Variants in HDAC9 observed in about 807,000 individuals in gnomAD.
HDAC9 encodes the protein MEF-2 interacting transcription repressor (MITR) protein.
HDAC9 carries 41 observed loss-of-function variants against 139.4 expected under a neutral mutation model. The observed-to-expected ratio is 0.29, with a 90% CI of 0.23 to 0.38. The LOEUF (loss-of-function observed/expected upper bound fraction) is 0.38. Ranked by LOEUF, HDAC9 falls within the 10% of genes least tolerant of loss-of-function variation. The pLI, the probability that HDAC9 is intolerant of heterozygous loss-of-function variation, is 1.00. For missense variants in HDAC9, 1,147 were observed against 1,297.0 expected (o/e 0.88, Z 1.78); for synonymous variants, 517 against 476.2 (o/e 1.09, Z -1.12).
chr7:18,849,874 A>G (rs964302851), intron 21 of HDAC9, among the ~76,000 whole-genome samples: 1 of 152,168 alleles, frequency 6.6e-6, no homozygotes, highest in African/African-American at 2.4e-5. Context: ...TGGTGTGGCA[A>G]TGCCATTTTG....
chr7:18,213,543 T>C (rs1307739009), intron 2 of HDAC9, among the ~76,000 whole-genome samples: 1 of 152,158 alleles, frequency 6.6e-6, no homozygotes, highest in East Asian at 1.9e-4. Context: ...TCTGTTAGTC[T>C]TATGTAGCCA....
rs191059460 is a variant in HDAC9 at position 18,110,387 on chromosome 7, G to A, written c.-97+23174G>A. Among the ~76,000 whole-genome samples the A allele has an allele frequency of 5.1e-3, 783 of 152,266 alleles. 5 individuals carry two copies. The highest frequency in any genetic ancestry group is 0.011 in the Admixed American group (172 of 15,294). ...AAGTACAGAGGAGGGGTCTTCCATA[G>A]GGGTCAAGAAAAGTGGCAAGGATAC... On this transcript the variant is annotated intron_variant, in intron 1 of 12. Transcript: ENST00000417496.
At chr7:18,235,997 G>A (rs985558851) in intron 2 of HDAC9, among the ~76,000 whole-genome samples, 1 of 152,186 alleles carries the variant, frequency 6.6e-6, no homozygotes, top group Non-Finnish European at 1.5e-5. Flanking sequence ...GCATTATACT[G>A]TATGAATCAT....
chr7:18,597,443 A>G (rs944123220), intron 6 of HDAC9, among the ~76,000 whole-genome samples: 6 of 152,176 alleles, frequency 3.9e-5, no homozygotes, highest in African/African-American at 1.4e-4. Context: ...AAATAGTATC[A>G]TTGCTGTAGT....
intron 1 of HDAC9, among the ~76,000 whole-genome samples, chr7:18,341,120 TC>T (rs1176982066): frequency 6.6e-6 from 1 of 151,556 alleles, no homozygotes; most frequent in East Asian, 1.9e-4. Context: ...GTGTGTGTTT[TC>T]CCCCCTGACT....
At chr7:18,876,243 A>G (rs1299358003) in intron 22 of HDAC9, among the ~76,000 whole-genome samples, 1 of 152,122 alleles carries the variant, frequency 6.6e-6, no homozygotes, top group Non-Finnish European at 1.5e-5. Flanking sequence ...ACCCATTTAC[A>G]TATATCTATT....
chr7:18,493,372 A>G (rs2128136093), upstream of HDAC9, among the ~76,000 whole-genome samples: 1 of 152,104 alleles, frequency 6.6e-6, no homozygotes, highest in East Asian at 1.9e-4. Context: ...TATTTGGAAT[A>G]TCTCAGATAA....
intron 12 of HDAC9, among the ~76,000 whole-genome samples, chr7:18,691,645 A>G (rs1353750502): frequency 6.6e-6 from 1 of 152,088 alleles, no homozygotes; most frequent in African/African-American, 2.4e-5. Flanking sequence ...TTCCAAATTT[A>G]TCTTTGATTA....
chr7:18,498,507 G>A (rs987929809), intron 2 of HDAC9, among the ~76,000 whole-genome samples: 1 of 152,114 alleles, frequency 6.6e-6, no homozygotes, highest in Non-Finnish European at 1.5e-5. Context: ...TGAGCTAACT[G>A]CTAAATTAGG....
At chr7:18,148,613 C>T (rs555068948) in intron 1 of HDAC9, among the ~76,000 whole-genome samples, 23 of 152,092 alleles carry the variant, frequency 1.5e-4, no homozygotes, top group African/African-American at 3.6e-4. Flanking sequence ...CTCGCCACCA[C>T]GCCCAGCTAA....
intron 2 of HDAC9, among the ~76,000 whole-genome samples, chr7:18,534,784 C>T (rs942190929): frequency 6.6e-6 from 1 of 152,170 alleles, no homozygotes; most frequent in Admixed American, 6.5e-5. Flanking sequence ...GCTGTGGCCT[C>T]ACCTCAGTTT....
chr7:18,727,992 T>A (rs1785693891), intron 13 of HDAC9, among the ~76,000 whole-genome samples: 1 of 152,184 alleles, frequency 6.6e-6, no homozygotes, highest in African/African-American at 2.4e-5. Context: ...GGAAAATACA[T>A]CAACAGGTGC....
chr7:18,519,829 A>T (rs1804444868), intron 2 of HDAC9, among the ~76,000 whole-genome samples: 1 of 152,178 alleles, frequency 6.6e-6, no homozygotes, highest in Admixed American at 6.6e-5. Flanking sequence ...AATAATGGAA[A>T]ACTGAGGGCA....
At chr7:18,555,197 A>G (rs1038928422) in intron 2 of HDAC9, among the ~76,000 whole-genome samples, 1 of 152,220 alleles carries the variant, frequency 6.6e-6, no homozygotes, top group Non-Finnish European at 1.5e-5. Flanking sequence ...TTTTGGAAAG[A>G]CATTTGGCAG....
chr7:18,792,364 T>A (rs1174957601), intron 16 of HDAC9, among the ~76,000 whole-genome samples: 1 of 152,012 alleles, frequency 6.6e-6, no homozygotes, highest in Non-Finnish European at 1.5e-5. Flanking sequence ...TGTATTCTAT[T>A]TCCTGGTGCT....
At chr7:18,924,011 T>G (rs1283107767) in intron 22 of HDAC9, among the ~76,000 whole-genome samples, 1 of 152,024 alleles carries the variant, frequency 6.6e-6, no homozygotes, top group Non-Finnish European at 1.5e-5. Flanking sequence ...AAAGAAGCCT[T>G]TATTTTATCC....
At chr7:18,575,233 A>T (rs1342919980) in intron 2 of HDAC9, among the ~76,000 whole-genome samples, 2 of 152,262 alleles carry the variant, frequency 1.3e-5, no homozygotes, top group Non-Finnish European at 2.9e-5. Flanking sequence ...AAAAAGATTC[A>T]ACTGTTGGTT....
Position 18,793,371 on chromosome 7 carries a change from G to C in HDAC9, c.2241G>C (p.Glu747Asp), listed in dbSNP as rs780866672. The change falls in exon 17 of 26, where the codon GAG becomes GAC. Residue 747 changes from glutamate (E) to aspartate (D), a missense_variant. Physicochemically the swap from Glu to Asp is conservative, Grantham distance 45 (BLOSUM62 2). Transcript: ENST00000686413. ...TGGACAGTGACACCATTTGGAATGA[G>C]CTACACTCGTCCGGTGCTGCACGCA... ...LGVDSDTIWN[E>D]LHSSGAARMA... The C allele has an allele frequency of 6.3e-7, 1 of 1,581,026 alleles. No homozygotes were observed.
intron 16 of HDAC9, among the ~76,000 whole-genome samples, chr7:18,782,765 G>A (rs1791357923): frequency 1.3e-5 from 2 of 151,960 alleles, no homozygotes; most frequent in African/African-American, 4.8e-5. Context: ...CTTGTGCTGT[G>A]TTAAGCACTT....
Sources: allele counts gnomAD v4.1 joint callset (sites outside exome capture counted in the v4.1 genomes callset), GRCh38; gene constraint gnomAD v4.1.1; transcripts MANE v1.5; gene names NCBI Gene and HGNC (gene_info 2026-07-23, HGNC 2026-07-21).